PCSK2: variants seen among roughly 807,000 people sequenced by gnomAD.
PCSK2 encodes proprotein convertase subtilisin/kexin type 2, also known as neuroendocrine convertase 2.
A neutral mutation model predicts 69.7 loss-of-function variants in PCSK2; 14 were observed. The ratio of observed to expected loss-of-function variants is 0.20; its 90% CI spans 0.13 to 0.31. The LOEUF (loss-of-function observed/expected upper bound fraction) is 0.31, where lower values mean the gene tolerates loss of function less well. Among genes scored for constraint, PCSK2 ranks in the 10% least tolerant of loss-of-function variants. The pLI is 1.00. For missense variants in PCSK2, 544 were observed against 842.5 expected (o/e 0.65, Z 4.39); for synonymous variants, 307 against 320.7 (o/e 0.96, Z 0.46).
chr20:17,267,591 A>G (rs117147375), intron 2 of PCSK2, among the ~76,000 whole-genome samples: 2,736 of 152,264 alleles, frequency 0.018, 35 homozygotes, highest in Non-Finnish European at 0.028. Flanking sequence ...GGGGAGAATT[A>G]TTTACTACAG....
At chr20:17,375,194 G>T (rs1349122144) in intron 5 of PCSK2, among the ~76,000 whole-genome samples, 1 of 152,116 alleles carries the variant, frequency 6.6e-6, no homozygotes, top group Non-Finnish European at 1.5e-5. Flanking sequence ...ACAATTTCGG[G>T]TTGTCCTGAT....
At chr20:17,405,617 T>A (rs1002287017) in intron 5 of PCSK2, among the ~76,000 whole-genome samples, 1 of 152,244 alleles carries the variant, frequency 6.6e-6, no homozygotes, top group African/African-American at 2.4e-5. Flanking sequence ...TGTCCTTTCT[T>A]AGCGTGGTGC....
chr20:17,243,882 A>C (rs548802119), intron 1 of PCSK2, among the ~76,000 whole-genome samples: 1 of 151,788 alleles, frequency 6.6e-6, no homozygotes, highest in Non-Finnish European at 1.5e-5. Flanking sequence ...AGACTAAGAA[A>C]CTCTTCCAAA....
At chr20:17,446,942 C>T (rs2086724984) in intron 8 of PCSK2, among the ~76,000 whole-genome samples, 1 of 151,958 alleles carries the variant, frequency 6.6e-6, no homozygotes, top group African/African-American at 2.4e-5. Context: ...AGGAAGAGCT[C>T]TTACAAACCA....
chr20:17,477,215 TA>T (rs1409107147), intron 11 of PCSK2, among the ~76,000 whole-genome samples: 1 of 152,224 alleles, frequency 6.6e-6, no homozygotes, highest in African/African-American at 2.4e-5. Context: ...GATGTGTGTT[TA>T]AAAATATTTT....
intron 2 of PCSK2, among the ~76,000 whole-genome samples, chr20:17,330,650 T>C (rs541721206): frequency 4.6e-5 from 7 of 152,066 alleles, no homozygotes; most frequent in African/African-American, 1.4e-4. Context: ...TAAAATAAAA[T>C]AAAATAAAGA....
chr20:17,247,902 A>G (rs981430198), intron 1 of PCSK2, among the ~76,000 whole-genome samples: 2 of 152,210 alleles, frequency 1.3e-5, no homozygotes, highest in Non-Finnish European at 1.5e-5. Flanking sequence ...GAGAGGTGCT[A>G]TAGCTTGGAG....
upstream of PCSK2, among the ~76,000 whole-genome samples, chr20:17,226,801 T>C (rs1417484518): frequency 3.8e-5 from 5 of 131,590 alleles, no homozygotes; most frequent in African/African-American, 5.6e-5. Context: ...GCGGGCTCGC[T>C]GCGCTGCGCT....
At chr20:17,368,087 T>A (rs886958474) in intron 4 of PCSK2, among the ~76,000 whole-genome samples, 1 of 151,856 alleles carries the variant, frequency 6.6e-6, no homozygotes, top group Non-Finnish European at 1.5e-5. Context: ...AAAAGAAAAA[T>A]TTCTTTTCAG....
chr20:17,267,543 C>T (rs1207790078), intron 2 of PCSK2, among the ~76,000 whole-genome samples: 1 of 152,206 alleles, frequency 6.6e-6, no homozygotes, highest in Non-Finnish European at 1.5e-5. Flanking sequence ...ACTCAAAGAG[C>T]TGCTGCTGGT....
At chr20:17,239,823 A>G (rs1216474259) in intron 1 of PCSK2, among the ~76,000 whole-genome samples, 1 of 148,514 alleles carries the variant, frequency 6.7e-6, no homozygotes, top group African/African-American at 2.5e-5. Context: ...TGAAAAATCA[A>G]ACCCCAAGGT....
Position 17,441,633 on chromosome 20 carries a change from A to G in PCSK2, c.885+4750A>G, listed in dbSNP as rs555571386. Among the ~76,000 whole-genome samples the G allele has an allele frequency of 4.6e-5, 7 of 152,258 alleles. No homozygotes were observed. The South Asian group carries it at 1.5e-3, about 32-fold the overall frequency. On this transcript the variant is annotated intron_variant, in intron 8 of 11. Coordinates refer to ENST00000262545, the MANE Select transcript of PCSK2 (RefSeq NM_002594.5). ...CATGTCTTACCTGGTGGCAGACAAG[A>G]GAAGAGAGCTTCTGTAGGGAAACTC...
rs1568611924 is a variant in PCSK2 at position 17,347,796 on chromosome 20, GAAA to G, written c.283-10530_283-10528del. Among the ~76,000 whole-genome samples, 67 of 43,744 alleles carry G rather than the reference GAAA, an allele frequency of 1.5e-3. 2 individuals are homozygous for G. Among genetic ancestry groups the G allele is most frequent in the Admixed American group, 3.0e-3 (13 of 4,278 alleles). The allele number at this position is 43,744 out of a possible 152,430, so 28.7% of individuals were successfully genotyped here. On this transcript the variant is annotated intron_variant, in intron 2 of 11. Coordinates refer to ENST00000262545, the MANE Select transcript of PCSK2 (RefSeq NM_002594.5). ...CTGAAAGACACATAGACGAAAGAAA[GAAA>G]GAAAGAAAGAAAGAAAGAAAGAAAG...
chr20:17,276,789 C>A (rs904430628), intron 2 of PCSK2, among the ~76,000 whole-genome samples: 4 of 152,160 alleles, frequency 2.6e-5, no homozygotes, highest in Non-Finnish European at 5.9e-5. Flanking sequence ...TCCCTGTTTG[C>A]AGATGACATG....
chr20:17,267,301 G>C (rs1294558695), intron 2 of PCSK2, among the ~76,000 whole-genome samples: 1 of 152,192 alleles, frequency 6.6e-6, no homozygotes, highest in African/African-American at 2.4e-5. Context: ...CATGCCAAGA[G>C]GTCAGCGGGT....
At chr20:17,409,147 G>A in intron 5 of PCSK2, 116 bp from the exon 6 acceptor site, 1 of 787,864 alleles carries the variant, frequency 1.3e-6, no homozygotes, top group Admixed American at 1.8e-5. Flanking sequence ...TTGGTCCAGT[G>A]CAGCACACTA....
At chr20:17,415,103 G>A (rs2123313654) in intron 6 of PCSK2, among the ~76,000 whole-genome samples, 1 of 152,306 alleles carries the variant, frequency 6.6e-6, no homozygotes, top group East Asian at 1.9e-4. Flanking sequence ...AAAACTGGAA[G>A]CATTCCCTTT....
intron 2 of PCSK2, among the ~76,000 whole-genome samples, chr20:17,312,889 C>T (rs116735589): frequency 0.015 from 2,274 of 152,238 alleles, 54 homozygotes; most frequent in African/African-American, 0.051. Context: ...AAGTCTTTCC[C>T]GTCTCTTTTC....
At chr20:17,354,859 C>CA (rs746381267) in intron 2 of PCSK2, among the ~76,000 whole-genome samples, 5 of 151,688 alleles carry the variant, frequency 3.3e-5, no homozygotes, top group Non-Finnish European at 7.4e-5. Flanking sequence ...GAACCCAGAA[C>CA]AATAAACATG....
Sources: allele counts gnomAD v4.1 joint callset (sites outside exome capture counted in the v4.1 genomes callset), GRCh38; gene constraint gnomAD v4.1.1; transcripts MANE v1.5; gene names NCBI Gene and HGNC (gene_info 2026-07-23, HGNC 2026-07-21).